The following FNDC3B variants were observed in gnomAD, a reference collection of about 807,000 sequenced individuals.
FNDC3B encodes the protein fibronectin type III domain containing 3B, also known as fibronectin type III domain-containing protein 3B.
In FNDC3B, 12 loss-of-function variants were observed where a neutral mutation model predicts 151.5. The observed-to-expected ratio is 0.08, with a 90% CI of 0.05 to 0.13. The LOEUF is 0.13. Ranked by LOEUF, FNDC3B falls within the 10% of genes least tolerant of loss-of-function variation. The pLI, the probability that FNDC3B is intolerant of heterozygous loss-of-function variation, is 1.00. For synonymous variants in FNDC3B, 528 were observed against 549.0 expected (o/e 0.96, Z 0.54); for missense variants, 1,214 against 1,505.3 (o/e 0.81, Z 3.20).
rs147541238 is a variant in FNDC3B at position 172,085,201 on chromosome 3, A to T, written c.-28-27251A>T. On this transcript the variant is annotated intron_variant, in intron 1 of 25. Coordinates refer to ENST00000415807, the MANE Select transcript of FNDC3B (RefSeq NM_022763.4). ...TGAATTTGTAAAGCTGGGCTTCAGG[A>T]TATGGCCTACAGATTTTTTTGCGTT... Among the ~76,000 whole-genome samples, 13 of 152,322 alleles carry T rather than the reference A, an allele frequency of 8.5e-5. No individual in the cohort carries two copies. In the East Asian group the frequency reaches 2.5e-3, roughly 29 times the overall value.
At chr3:172,267,546 C>T (rs562743365) in intron 6 of FNDC3B, among the ~76,000 whole-genome samples, 5 of 152,174 alleles carry the variant, frequency 3.3e-5, no homozygotes, top group East Asian at 1.9e-4. Context: ...GTGCTGTGGA[C>T]GTGCATGTGT....
chr3:172,351,825 A>T (rs931618285), intron 21 of FNDC3B, among the ~76,000 whole-genome samples: 2 of 152,100 alleles, frequency 1.3e-5, no homozygotes, highest in African/African-American at 4.8e-5. Context: ...ACCACAGGAG[A>T]TGCAGTCAGG....
intron 1 of FNDC3B, among the ~76,000 whole-genome samples, chr3:172,054,845 T>G (rs1406646220): frequency 6.6e-6 from 1 of 152,138 alleles, no homozygotes; most frequent in African/African-American, 2.4e-5. Flanking sequence ...CTTGCTGTGG[T>G]AGGTCCTCAT....
At chr3:172,260,187 T>C (rs1728574791) in intron 6 of FNDC3B, among the ~76,000 whole-genome samples, 1 of 152,268 alleles carries the variant, frequency 6.6e-6, no homozygotes, top group Non-Finnish European at 1.5e-5. Flanking sequence ...GTTTCTGGTA[T>C]ATTTGTAACC....
chr3:172,051,595 G>T (rs1379569389), intron 1 of FNDC3B, among the ~76,000 whole-genome samples: 1 of 152,104 alleles, frequency 6.6e-6, no homozygotes, highest in African/African-American at 2.4e-5. Flanking sequence ...ACTACAAATT[G>T]GGTTCAGTGT....
intron 1 of FNDC3B, among the ~76,000 whole-genome samples, chr3:172,051,242 C>A (rs557246797): frequency 8.0e-5 from 12 of 150,432 alleles, no homozygotes; most frequent in South Asian, 2.1e-4. Context: ...CGCCACCATA[C>A]CTGGCTAATT....
intron 1 of FNDC3B, among the ~76,000 whole-genome samples, chr3:172,107,351 G>A (rs1326846088): frequency 3.9e-5 from 6 of 152,110 alleles, no homozygotes; most frequent in South Asian, 2.1e-4. Flanking sequence ...AAATAAATGC[G>A]TTGTAGTAGA....
chr3:172,239,801 A>T (rs1166172019), intron 4 of FNDC3B, among the ~76,000 whole-genome samples: 4 of 148,282 alleles, frequency 2.7e-5, no homozygotes, highest in Admixed American at 2.0e-4. Flanking sequence ...GAAAAAAAGC[A>T]AATAACAACA....
At chr3:172,396,589 G>T (rs1316228220) in intron 25 of FNDC3B, among the ~76,000 whole-genome samples, 1 of 152,108 alleles carries the variant, frequency 6.6e-6, no homozygotes, top group African/African-American at 2.4e-5. Context: ...GAACCAGGCC[G>T]CACAGCAGGA....
At chr3:172,167,719 A>C (rs960225914) in intron 3 of FNDC3B, among the ~76,000 whole-genome samples, 1 of 152,210 alleles carries the variant, frequency 6.6e-6, no homozygotes, top group African/African-American at 2.4e-5. Context: ...GCAAACGAGC[A>C]TTACCACCTG....
At chr3:172,325,081 G>A (rs1226884143) in intron 11 of FNDC3B, among the ~76,000 whole-genome samples, 1 of 152,220 alleles carries the variant, frequency 6.6e-6, no homozygotes, top group African/African-American at 2.4e-5. Flanking sequence ...CCAGGATTAG[G>A]CCTAAGTCAT....
chr3:172,163,829 T>C (rs79570170), intron 3 of FNDC3B, among the ~76,000 whole-genome samples: 3,069 of 152,318 alleles, frequency 0.02, 98 homozygotes, highest in African/African-American at 0.07. Flanking sequence ...GGAGTAGAAT[T>C]ACTGCTTTCC....
chr3:172,201,897 G>C (rs1725175312), intron 3 of FNDC3B, among the ~76,000 whole-genome samples: 1 of 152,174 alleles, frequency 6.6e-6, no homozygotes, highest in South Asian at 2.1e-4. Flanking sequence ...TATTTGCTGT[G>C]TTTTTGAAAT....
chr3:172,340,347 G>T (rs974563601), intron 16 of FNDC3B, among the ~76,000 whole-genome samples: 23 of 146,796 alleles, frequency 1.6e-4, no homozygotes, highest in African/African-American at 5.8e-4. Flanking sequence ...GTGCAACGGC[G>T]CAATCTCGGC....
intron 19 of FNDC3B, among the ~76,000 whole-genome samples, chr3:172,344,473 A>G (rs1576931722): frequency 6.6e-6 from 1 of 152,206 alleles, no homozygotes; most frequent in African/African-American, 2.4e-5. Flanking sequence ...TTTTGTCCTC[A>G]TATCATTCTA....
At chr3:172,145,194 CT>C (rs1290209017) in intron 3 of FNDC3B, among the ~76,000 whole-genome samples, 1 of 152,036 alleles carries the variant, frequency 6.6e-6, no homozygotes, top group Non-Finnish European at 1.5e-5. Flanking sequence ...GTGTCCACAT[CT>C]TCACTTTATT....
chr3:172,202,782 T>G (rs920313261), intron 3 of FNDC3B, among the ~76,000 whole-genome samples: 6 of 152,220 alleles, frequency 3.9e-5, no homozygotes, highest in Non-Finnish European at 5.9e-5. Context: ...AGAGATTGCC[T>G]GAAAGCACAT....
At position 172,203,103 on chromosome 3, in the gene FNDC3B, C is replaced by T. The variant is rs57009626; in HGVS notation, c.188-23768C>T. Among the ~76,000 whole-genome samples the T allele has an allele frequency of 2.4e-3, 371 of 152,082 alleles. 1 individual carries two copies. Among genetic ancestry groups the T allele is most frequent in the African/African-American group, 8.3e-3 (343 of 41,482 alleles). ...GATTCTGAAATTTACCCATTATTTT[C>T]GATATATATAGAAGTGGGAATGAAT... On this transcript the variant is annotated intron_variant, in intron 3 of 25. Transcript: ENST00000415807.
chr3:172,362,869 C>T (rs1424398563), intron 23 of FNDC3B, 24 bp downstream of exon 23: 2 of 1,561,848 alleles, frequency 1.3e-6, no homozygotes, highest in South Asian at 2.3e-5. Flanking sequence ...GAGGATGCTC[C>T]TGAAGCTTCT....
Sources: allele counts gnomAD v4.1 joint callset (sites outside exome capture counted in the v4.1 genomes callset), GRCh38; gene constraint gnomAD v4.1.1; transcripts MANE v1.5; gene names NCBI Gene and HGNC (gene_info 2026-07-23, HGNC 2026-07-21).